PKHD1: variants seen among roughly 807,000 people sequenced by gnomAD.
The protein encoded by PKHD1 is PKHD1 ciliary IPT domain containing fibrocystin/polyductin.
PKHD1 carries 291 observed loss-of-function variants against 412.0 expected under a neutral mutation model. That is an observed-to-expected ratio of 0.71 (90% confidence interval 0.64 to 0.78). PKHD1 has a LOEUF of 0.78. PKHD1 is among the 30% of genes least tolerant of loss of function. The pLI is 0.00. For synonymous variants in PKHD1, 1,777 were observed against 1,821.5 expected, an observed-to-expected ratio of 0.98 and a Z score of 0.62; for missense variants, 4,825 against 4,950.7, an observed-to-expected ratio of 0.97 and a Z score of 0.76.
chr6:51,731,141 C>G (rs73442857), intron 60 of PKHD1, among the ~76,000 whole-genome samples: 9 of 151,924 alleles, frequency 5.9e-5, no homozygotes, highest in South Asian at 2.1e-4. Context: ...AAAGCAGCAA[C>G]GCAGGGTTAC....
chr6:51,657,158 A>T (rs1772003590), intron 61 of PKHD1, among the ~76,000 whole-genome samples: 1 of 151,614 alleles, frequency 6.6e-6, no homozygotes, highest in East Asian at 2.0e-4. Flanking sequence ...TCCTAGACTC[A>T]TTTCTGCTGG....
At chr6:51,791,765 T>C (rs574441459) in intron 52 of PKHD1, among the ~76,000 whole-genome samples, 2 of 152,188 alleles carry the variant, frequency 1.3e-5, no homozygotes, top group Non-Finnish European at 2.9e-5. Flanking sequence ...GAAGACTATT[T>C]GGATGTGAAT....
intron 35 of PKHD1, among the ~76,000 whole-genome samples, chr6:52,005,656 CACA>C (rs1363921977): frequency 6.6e-6 from 1 of 152,110 alleles, no homozygotes; most frequent in Non-Finnish European, 1.5e-5. Context: ...GCATGGCATA[CACA>C]ACACTTCCCA....
intron 60 of PKHD1, among the ~76,000 whole-genome samples, chr6:51,664,788 C>T (rs554246045): frequency 6.6e-6 from 1 of 152,196 alleles, no homozygotes; most frequent in African/African-American, 2.4e-5. Flanking sequence ...ATTTTTATTC[C>T]TATTTTCTCC....
At position 51,847,978 on chromosome 6, in the gene PKHD1, TGAAA is replaced by T; in HGVS notation, c.7912-12_7912-9del. On this transcript the variant is annotated splice_polypyrimidine_tract_variant and intron_variant, in intron 49 of 66. Coordinates refer to ENST00000371117, the MANE Select transcript of PKHD1 (RefSeq NM_138694.4). ...GTCAAAGGTTGCTGAGTACTTGAAGTGAAAGAAAAACACAATAGTGCTCATTTAG... is the reference window on the plus strand; with the variant it reads ...GTCAAAGGTTGCTGAGTACTTGAAGTGAAAAACACAATAGTGCTCATTTAG... 6.2e-7 allele frequency: 1 copy of T among 1,604,772 alleles called. No homozygotes were observed. Among genetic ancestry groups the T allele is most frequent in the South Asian group, 1.1e-5 (1 of 90,884 alleles).
chr6:51,967,921 G>A lies in PKHD1; in HGVS notation c.5752-7895C>T, dbSNP rs377382379. 2.3e-4 allele frequency among the ~76,000 whole-genome samples: 35 copies of A among 152,276 alleles called. No individual in the cohort carries two copies. The East Asian group carries it at 2.3e-3, about 10-fold the overall frequency. ...ATGGACCCATGACGGCACTGCCTTCGAAAACACTTAATTTCGGTGATTGAA... is the reference window on the plus strand; with the variant it reads ...ATGGACCCATGACGGCACTGCCTTCAAAAACACTTAATTTCGGTGATTGAA... On this transcript the variant is annotated intron_variant, in intron 35 of 66. Transcript: ENST00000371117.
At chr6:51,965,264 T>C (rs1792640039) in intron 35 of PKHD1, among the ~76,000 whole-genome samples, 1 of 152,112 alleles carries the variant, frequency 6.6e-6, no homozygotes, top group African/African-American at 2.4e-5. Context: ...ATAACCAAGA[T>C]GCTATGGGAG....
intron 1 of PKHD1, among the ~76,000 whole-genome samples, chr6:52,085,518 T>A (rs1468781499): frequency 2.0e-5 from 3 of 152,038 alleles, no homozygotes; most frequent in Admixed American, 2.0e-4. Flanking sequence ...CTCCGTGGCC[T>A]CAGGAGATCC....
chr6:51,814,386 A>G (rs2151417345), intron 52 of PKHD1, among the ~76,000 whole-genome samples: 1 of 152,340 alleles, frequency 6.6e-6, no homozygotes, highest in Non-Finnish European at 1.5e-5. Context: ...CATAGCTCTA[A>G]GCCTGCACCA....
At chr6:51,809,549 A>T (rs566820591) in intron 52 of PKHD1, among the ~76,000 whole-genome samples, 1 of 151,936 alleles carries the variant, frequency 6.6e-6, no homozygotes, top group East Asian at 1.9e-4. Context: ...TCACGTTCTA[A>T]TTTTTTTTAA....
chr6:51,638,999 A>T (rs771453003), intron 63 of PKHD1, 43 bp from the exon 64 acceptor site: 11 of 1,310,424 alleles, frequency 8.4e-6, no homozygotes, highest in East Asian at 2.3e-5. Context: ...TTATTATCTA[A>T]TCTCGAACAA....
chr6:52,081,098 C>T lies in PKHD1; in HGVS notation c.282-1090G>A, dbSNP rs374542912. Among the ~76,000 whole-genome samples, 4 of 152,060 alleles carry T rather than the reference C, an allele frequency of 2.6e-5. No individual in the cohort carries two copies. The South Asian group carries it at 6.2e-4, about 24-fold the overall frequency. On this transcript the variant is annotated intron_variant, in intron 4 of 66. Transcript: ENST00000371117. ...CTTAATTGAATCTGATATTTGTCTT[C>T]CAATCAATTAGTATATTTAATAGGA...
chr6:51,959,036 T>A (rs970821442), intron 36 of PKHD1, among the ~76,000 whole-genome samples: 2 of 152,174 alleles, frequency 1.3e-5, no homozygotes, highest in Non-Finnish European at 2.9e-5. Flanking sequence ...ATTCCATTAG[T>A]TTATCCTCTT....
chr6:52,041,753 C>T (rs956589282), intron 27 of PKHD1, among the ~76,000 whole-genome samples: 8 of 152,138 alleles, frequency 5.3e-5, no homozygotes, highest in Admixed American at 2.0e-4. Flanking sequence ...TCCAATTTTC[C>T]TAGGACCAAG....
In PKHD1 at chr6:51,650,391, A is replaced by G. The variant is rs1278553478; in HGVS notation, c.11175-1171T>C. Among the ~76,000 whole-genome samples, 3 of 152,146 alleles carry G rather than the reference A, an allele frequency of 2.0e-5. No individual in the cohort carries two copies. In the East Asian group the frequency reaches 5.8e-4, roughly 29 times the overall value. ...ACATATATATGGGACCCTGACATAG[A>G]GCAACCCTTGGTGAGTTATCCTCAA... is the stretch of plus-strand genomic sequence containing the variant. On this transcript the variant is annotated intron_variant, in intron 61 of 66. Transcript: ENST00000371117.
intron 47 of PKHD1, among the ~76,000 whole-genome samples, chr6:51,870,171 A>T (rs1775754810): frequency 6.6e-6 from 1 of 152,160 alleles, no homozygotes; most frequent in Non-Finnish European, 1.5e-5. Context: ...TAAACTGCCT[A>T]CTAGGCATCT....
intron 55 of PKHD1, among the ~76,000 whole-genome samples, chr6:51,772,286 A>G (rs1484314985): frequency 6.6e-6 from 1 of 151,000 alleles, no homozygotes; most frequent in Admixed American, 6.6e-5. Flanking sequence ...CCTCCAATGC[A>G]TTATTAAATT....
chr6:51,945,883 C>T (rs2127838914), intron 36 of PKHD1, among the ~76,000 whole-genome samples: 1 of 152,288 alleles, frequency 6.6e-6, no homozygotes, highest in Admixed American at 6.5e-5. Context: ...CAAACCTTCC[C>T]CAGTAGCTCT....
rs766071223 is a variant in PKHD1 at position 51,619,459 on chromosome 6, T to A, written c.11847A>T (p.Gly3949=). 3 of 1,613,946 alleles carry A rather than the reference T, an allele frequency of 1.9e-6. No homozygotes were observed. Among genetic ancestry groups the A allele is most frequent in the East Asian group, 4.5e-5 (2 of 44,884 alleles). The change falls in exon 67 of 67, where the codon GGA becomes GGT. Residue 3949 remains glycine (G), a synonymous_variant. Coordinates refer to ENST00000371117, the MANE Select transcript of PKHD1 (RefSeq NM_138694.4). ...VNQCPHQLMN[G]VSRRKVSRHI... ...GGCGGCTAACTTTCCTTCTGGACAC[T>A]CCATTCATCAACTGGTGGGGGCACT...
Sources: gnomAD v4.1 joint callset for allele counts (sites outside exome capture counted in the v4.1 genomes callset) on GRCh38, gnomAD v4.1.1 for gene constraint, MANE v1.5 for transcripts, NCBI Gene and HGNC (gene_info 2026-07-23, HGNC 2026-07-21) for gene names.